SPAG16: variants seen among roughly 807,000 people sequenced by gnomAD.
SPAG16 encodes the protein sperm associated antigen 16.
In SPAG16, 86 loss-of-function variants were observed where a neutral mutation model predicts 80.4. The observed-to-expected ratio is 1.07, with a 90% CI of 0.90 to 1.28. The LOEUF (loss-of-function observed/expected upper bound fraction) is 1.28, where lower values mean the gene tolerates loss of function less well. Ranked by LOEUF, SPAG16 falls within the 50% of genes most tolerant of loss-of-function variation. The pLI, the probability that SPAG16 is intolerant of heterozygous loss-of-function variation, is 0.00. For synonymous variants in SPAG16, 294 were observed against 265.9 expected, an observed-to-expected ratio of 1.11 and a Z score of -1.03; for missense variants, 870 against 765.3, an observed-to-expected ratio of 1.14 and a Z score of -1.61.
In SPAG16 at chr2:213,468,390, T is replaced by G. The variant is rs537898346; in HGVS notation, c.943-21573T>G. ...ATATCTCTCTCTATATATATAGATA[T>G]ATATATATATATCTATGTATTTATG... On this transcript the variant is annotated intron_variant, in intron 9 of 15. Transcript: ENST00000331683. 1.9e-4 allele frequency among the ~76,000 whole-genome samples: 28 copies of G among 144,370 alleles called. No individual in the cohort carries two copies. In the East Asian group the frequency reaches 5.3e-3, roughly 27 times the overall value. The allele number at this position is 144,370 out of a possible 152,430, so 94.7% of individuals were successfully genotyped here.
At chr2:214,359,916 A>G (rs1042941440) in intron 15 of SPAG16, among the ~76,000 whole-genome samples, 1 of 151,890 alleles carries the variant, frequency 6.6e-6, no homozygotes, top group Non-Finnish European at 1.5e-5. Context: ...ACTTGGTTAC[A>G]GTCCCTCTGA....
intron 15 of SPAG16, among the ~76,000 whole-genome samples, chr2:214,252,997 C>T (rs1181231848): frequency 6.6e-6 from 1 of 151,872 alleles, no homozygotes; most frequent in African/African-American, 2.4e-5. Flanking sequence ...TTCTAAGTGG[C>T]ATGAGATGGT....
chr2:213,346,458 C>G (rs1480575136), intron 6 of SPAG16, among the ~76,000 whole-genome samples: 1 of 152,166 alleles, frequency 6.6e-6, no homozygotes, highest in Non-Finnish European at 1.5e-5. Flanking sequence ...CTGTCTTGTG[C>G]CAGTTTTCAA....
Position 213,712,624 on chromosome 2 carries a change from C to T in SPAG16, c.1071-149861C>T, listed in dbSNP as rs185091289. 2.2e-4 allele frequency among the ~76,000 whole-genome samples: 33 copies of T among 152,216 alleles called. No homozygotes were observed. The East Asian group carries it at 6.2e-3, about 29-fold the overall frequency. On this transcript the variant is annotated intron_variant, in intron 10 of 15. Transcript: ENST00000331683. ...TAATTTCATTGAAAGAAGTCAGCAT[C>T]CTGTGGCATTTGCCCTTCTTTCTCT...
intron 10 of SPAG16, among the ~76,000 whole-genome samples, chr2:213,510,626 C>T (rs1429322293): frequency 4.6e-5 from 7 of 152,234 alleles, no homozygotes; most frequent in African/African-American, 9.6e-5. Flanking sequence ...TGTGGGTTTT[C>T]GCGTTACACT....
At chr2:214,056,698 T>C (rs1193446238) in intron 13 of SPAG16, among the ~76,000 whole-genome samples, 1 of 152,170 alleles carries the variant, frequency 6.6e-6, no homozygotes, top group Admixed American at 6.6e-5. Context: ...GTTTGCCACA[T>C]AGACTGACTC....
chr2:213,831,894 T>C (rs904705957), intron 10 of SPAG16, among the ~76,000 whole-genome samples: 1 of 152,180 alleles, frequency 6.6e-6, no homozygotes, highest in Non-Finnish European at 1.5e-5. Flanking sequence ...CTCACTATAA[T>C]GTGACTAGTA....
At chr2:214,094,243 C>G (rs570656862) in intron 13 of SPAG16, among the ~76,000 whole-genome samples, 1 of 152,192 alleles carries the variant, frequency 6.6e-6, no homozygotes. Flanking sequence ...AACCTTGTTT[C>G]TTGCAGAGCA....
intron 10 of SPAG16, among the ~76,000 whole-genome samples, chr2:213,682,035 T>C (rs2064416570): frequency 6.6e-6 from 1 of 152,196 alleles, no homozygotes; most frequent in African/African-American, 2.4e-5. Flanking sequence ...AATCTCTCTT[T>C]GTCAGTCCCT....
At chr2:213,577,110 C>T (rs1384006641) in intron 10 of SPAG16, among the ~76,000 whole-genome samples, 1 of 151,986 alleles carries the variant, frequency 6.6e-6, no homozygotes, top group Non-Finnish European at 1.5e-5. Context: ...CTCTTTCTGT[C>T]TCTTGTATAA....
intron 15 of SPAG16, among the ~76,000 whole-genome samples, chr2:214,316,950 TA>T (rs1409160766): frequency 1.3e-5 from 2 of 152,174 alleles, no homozygotes; most frequent in African/African-American, 4.8e-5. Flanking sequence ...GTGATCCAAA[TA>T]AGTTAATAAG....
chr2:213,657,018 C>T (rs1043630654), intron 10 of SPAG16, among the ~76,000 whole-genome samples: 3 of 152,150 alleles, frequency 2.0e-5, no homozygotes, highest in African/African-American at 7.2e-5. Flanking sequence ...TATTCTCCAA[C>T]TTCATTATTT....
intron 10 of SPAG16, among the ~76,000 whole-genome samples, chr2:213,678,759 G>A (rs149602736): frequency 6.4e-4 from 97 of 152,224 alleles, no homozygotes; most frequent in Middle Eastern, 3.4e-3. Context: ...GCTATCTGTG[G>A]AAGCCCAAGG....
At chr2:213,797,926 A>G (rs2071146973) in intron 10 of SPAG16, among the ~76,000 whole-genome samples, 1 of 152,206 alleles carries the variant, frequency 6.6e-6, no homozygotes, top group Non-Finnish European at 1.5e-5. Context: ...AGCATTTTGC[A>G]TTCCTTTCAG....
At chr2:214,123,518 G>A (rs1204301368) in intron 14 of SPAG16, among the ~76,000 whole-genome samples, 5 of 151,998 alleles carry the variant, frequency 3.3e-5, no homozygotes, top group Non-Finnish European at 7.4e-5. Flanking sequence ...CATCAACTGT[G>A]TCCTGGCACT....
Position 214,401,927 on chromosome 2 carries a change from TAA to T in SPAG16, c.1721-8211_1721-8210del, listed in dbSNP as rs144656591. ...TGAATTTTCTGAACATAAAGAAATT[TAA>T]AGTTTTGATAGATATAACATTTAAT... On this transcript the variant is annotated intron_variant, in intron 15 of 15. Transcript: ENST00000331683. Among the ~76,000 whole-genome samples, 537 of 152,066 alleles carry T rather than the reference TAA, an allele frequency of 3.5e-3. 5 individuals carry two copies. Among genetic ancestry groups the T allele is most frequent in the African/African-American group, 0.013 (526 of 41,540 alleles).
intron 5 of SPAG16, among the ~76,000 whole-genome samples, chr2:213,320,233 A>C (rs1024711380): frequency 3.3e-5 from 5 of 151,982 alleles, no homozygotes; most frequent in Admixed American, 3.3e-4. Context: ...ATAATTGTAC[A>C]TACATTTATA....
intron 15 of SPAG16, among the ~76,000 whole-genome samples, chr2:214,342,488 G>A (rs1275003096): frequency 1.3e-5 from 2 of 152,138 alleles, no homozygotes; most frequent in Non-Finnish European, 2.9e-5. Context: ...TAGGTTGTGT[G>A]CTCCTTAGGA....
chr2:214,264,761 G>A (rs1393215290), intron 15 of SPAG16, among the ~76,000 whole-genome samples: 1 of 151,948 alleles, frequency 6.6e-6, no homozygotes, highest in Non-Finnish European at 1.5e-5. Context: ...ATTCCCCTGT[G>A]TGCCACCTAT....
Sources: gnomAD v4.1 joint callset for allele counts (sites outside exome capture counted in the v4.1 genomes callset) on GRCh38, gnomAD v4.1.1 for gene constraint, MANE v1.5 for transcripts, NCBI Gene and HGNC (gene_info 2026-07-23, HGNC 2026-07-21) for gene names.